The following TRMT11 variants were observed in gnomAD, a reference collection of about 807,000 sequenced individuals.
The protein encoded by TRMT11 is tRNA methyltransferase 11.
TRMT11 carries 53 observed loss-of-function variants against 62.8 expected under a neutral mutation model. The ratio of observed to expected loss-of-function variants is 0.84; its 90% CI spans 0.68 to 1.06. The LOEUF is 1.06. TRMT11 is among the 50% of genes least tolerant of loss of function. The pLI, the probability that TRMT11 is intolerant of heterozygous loss-of-function variation, is 0.00. For missense variants in TRMT11, 556 were observed against 553.4 expected (o/e 1.00, Z -0.05); for synonymous variants, 188 against 190.3 (o/e 0.99, Z 0.10).
At chr6:126,065,487 A>C (rs1247900106) in intron 17 of TRMT11, among the ~76,000 whole-genome samples, 2 of 152,094 alleles carry the variant, frequency 1.3e-5, no homozygotes, top group Non-Finnish European at 2.9e-5. Flanking sequence ...CCTACACTTT[A>C]ATTCTGGGGA....
rs199635779 is a variant in TRMT11, at chr6:125,999,571, G to T, written c.637G>T (p.Val213Leu). The change falls in exon 7 of 13, where the codon GTG becomes TTG. Residue 213 changes from valine to leucine, a missense_variant. By Grantham distance (32) the Val-to-Leu change is conservative (BLOSUM62 1). Coordinates refer to ENST00000334379, the MANE Select transcript of TRMT11 (RefSeq NM_001031712.3). ...ATTCATTATGGCTAACCATGGAAAAGTGAAAGAAAATGATATTGTCTTTGA... is the reference window on the plus strand; with the variant it reads ...ATTCATTATGGCTAACCATGGAAAATTGAAAGAAAATGATATTGTCTTTGA... ...LSFIMANHGK[V>L]KENDIVFDPF... 1 of 1,611,828 alleles carries T rather than the reference G, an allele frequency of 6.2e-7. No individual in the cohort carries two copies. The highest frequency in any genetic ancestry group is 8.5e-7 in the Non-Finnish European group (1 of 1,178,822).
chr6:126,083,734 A>G (rs1418138737), intron 17 of TRMT11, among the ~76,000 whole-genome samples: 3 of 152,126 alleles, frequency 2.0e-5, no homozygotes, highest in African/African-American at 7.2e-5. Flanking sequence ...TTCGTCATAC[A>G]TATCTGCTAC....
the TRMT11 span, among the ~76,000 whole-genome samples, chr6:126,268,659 A>G: frequency 6.6e-6 from 1 of 152,190 alleles, no homozygotes; most frequent in East Asian, 1.9e-4. Context: ...CTACACTCCC[A>G]AACCTTGTTA....
chr6:126,258,278 A>T, the TRMT11 span: 1 of 511,060 alleles, frequency 2.0e-6, no homozygotes, highest in East Asian at 5.1e-5. Context: ...TGGGCTCTGA[A>T]AGTAAACACG....
chr6:126,250,151 G>A, the TRMT11 span, among the ~76,000 whole-genome samples: 2 of 152,110 alleles, frequency 1.3e-5, no homozygotes, highest in African/African-American at 2.4e-5. Flanking sequence ...AATAAGAAGG[G>A]GAACAGGCAA....
At chr6:126,218,737 C>G in the TRMT11 span, among the ~76,000 whole-genome samples, 1 of 152,230 alleles carries the variant, frequency 6.6e-6, no homozygotes. Context: ...CATTTTCTCA[C>G]TAGGTCATGT....
At chr6:126,017,839 T>G (rs917155298) in intron 11 of TRMT11, among the ~76,000 whole-genome samples, 4 of 152,228 alleles carry the variant, frequency 2.6e-5, no homozygotes, top group Admixed American at 6.5e-5. Flanking sequence ...CCAGATTATG[T>G]GTTGCAATCA....
the TRMT11 span, among the ~76,000 whole-genome samples, chr6:126,243,897 C>T: frequency 1.8e-4 from 27 of 151,954 alleles, no homozygotes; most frequent in East Asian, 5.8e-4. Context: ...CAAACCTGCA[C>T]GTTGTGCATA....
At chr6:126,208,908 T>A in the TRMT11 span, among the ~76,000 whole-genome samples, 2 of 152,214 alleles carry the variant, frequency 1.3e-5, no homozygotes, top group African/African-American at 4.8e-5. Context: ...ATATATATAA[T>A]TTACAACACA....
intron 21 of TRMT11, among the ~76,000 whole-genome samples, chr6:126,116,162 G>A (rs772301517): frequency 1.1e-4 from 17 of 151,834 alleles, no homozygotes; most frequent in Non-Finnish European, 1.6e-4. Context: ...CTGCAACAAG[G>A]TGAGCTTTCT....
intron 21 of TRMT11, among the ~76,000 whole-genome samples, chr6:126,170,075 G>T (rs1778313117): frequency 1.3e-5 from 2 of 151,620 alleles, no homozygotes; most frequent in Admixed American, 1.3e-4. Flanking sequence ...TTTTATTTTA[G>T]AACCTGTGTC....
At chr6:126,110,375 C>T (rs535900671) in intron 17 of TRMT11, among the ~76,000 whole-genome samples, 4 of 152,160 alleles carry the variant, frequency 2.6e-5, no homozygotes, top group Admixed American at 1.3e-4. Context: ...GTTGCTTTTA[C>T]ATGGATGAAG....
intron 12 of TRMT11, among the ~76,000 whole-genome samples, chr6:126,037,120 G>A (rs955660106): frequency 6.6e-6 from 1 of 151,974 alleles, no homozygotes; most frequent in Non-Finnish European, 1.5e-5. Context: ...TGCTTCTTGA[G>A]TTGGGGAAGA....
At chr6:126,224,587 C>T in the TRMT11 span, among the ~76,000 whole-genome samples, 1 of 152,208 alleles carries the variant, frequency 6.6e-6, no homozygotes, top group Admixed American at 6.5e-5. Flanking sequence ...AAAAGTGCTT[C>T]ATCAGGGTGG....
At chr6:125,994,894 C>A (rs1791226667) in intron 2 of TRMT11, among the ~76,000 whole-genome samples, 1 of 152,160 alleles carries the variant, frequency 6.6e-6, no homozygotes, top group Non-Finnish European at 1.5e-5. Flanking sequence ...AACCAAACAC[C>A]ACGTGTTCTC....
chr6:126,185,955 G>C lies in TRMT11; in HGVS notation n.143+8620G>C, dbSNP rs369295198. On this transcript the variant is annotated intron_variant and non_coding_transcript_variant, in intron 1 of 3. Transcript: ENST00000444229. ...TGCCCCTATGATCCAATCATTTCCT[G>C]CCAGGTCCCTTCCATGACATGTGGG... Among the ~76,000 whole-genome samples the C allele has an allele frequency of 9.9e-5, 15 of 152,256 alleles. No individual in the cohort carries two copies. In the South Asian group the frequency reaches 1.7e-3, roughly 17 times the overall value.
chr6:126,045,584 T>C (rs561063098), intron 16 of TRMT11, among the ~76,000 whole-genome samples: 14 of 152,342 alleles, frequency 9.2e-5, no homozygotes, highest in African/African-American at 3.4e-4. Flanking sequence ...CAGTGATAGT[T>C]ACCCAAATGG....
intron 1 of TRMT11, chr6:125,986,860 C>G (rs1789724033): frequency 5.6e-6 from 3 of 534,568 alleles, no homozygotes; most frequent in African/African-American, 3.9e-5. Context: ...GCCCGTGTAT[C>G]AAGTACCGGA....
downstream of TRMT11, among the ~76,000 whole-genome samples, chr6:126,206,425 G>C (rs80049808): frequency 1.3e-4 from 20 of 152,184 alleles, no homozygotes; most frequent in African/African-American, 4.8e-4. Flanking sequence ...AATCTTTGTC[G>C]GTCTATGGAC....
Sources: allele counts gnomAD v4.1 joint callset (sites outside exome capture counted in the v4.1 genomes callset), GRCh38; gene constraint gnomAD v4.1.1; transcripts MANE v1.5; gene names NCBI Gene and HGNC (gene_info 2026-07-23, HGNC 2026-07-21).